The following MAML3 variants were observed in gnomAD, a reference collection of about 807,000 sequenced individuals.
The protein encoded by MAML3 is mastermind-like protein 3.
A neutral mutation model predicts 101.9 loss-of-function variants in MAML3; 27 were observed. The observed-to-expected ratio is 0.27, with a 90% CI of 0.20 to 0.37. The LOEUF is 0.37. Among genes scored for constraint, MAML3 ranks in the 10% least tolerant of loss-of-function variants. MAML3 has a pLI of 1.00. For missense variants in MAML3, 1,316 were observed against 1,444.9 expected (o/e 0.91, Z 1.45); for synonymous variants, 501 against 555.9 (o/e 0.90, Z 1.39).
intron 1 of MAML3, among the ~76,000 whole-genome samples, chr4:139,916,218 C>T (rs1029008361): frequency 8.5e-5 from 13 of 152,164 alleles, no homozygotes; most frequent in African/African-American, 3.1e-4. Flanking sequence ...ATTCCACAGC[C>T]TGGCTCCTGA....
At chr4:140,003,712 G>T (rs1726382534) in intron 1 of MAML3, among the ~76,000 whole-genome samples, 1 of 152,160 alleles carries the variant, frequency 6.6e-6, no homozygotes, top group African/African-American at 2.4e-5. Context: ...CTCTGAAGGA[G>T]TCTTGAAAGA....
chr4:140,127,082 T>C (rs933897648), intron 1 of MAML3, among the ~76,000 whole-genome samples: 1 of 152,186 alleles, frequency 6.6e-6, no homozygotes, highest in African/African-American at 2.4e-5. Flanking sequence ...TTTGATAGTT[T>C]CTCTTCTCCT....
chr4:139,916,966 C>T (rs1481282688), intron 1 of MAML3, among the ~76,000 whole-genome samples: 1 of 152,122 alleles, frequency 6.6e-6, no homozygotes, highest in Non-Finnish European at 1.5e-5. Context: ...GATGACAGAA[C>T]AAGGGTTCTG....
chr4:140,002,136 A>G (rs1368085865), intron 1 of MAML3, among the ~76,000 whole-genome samples: 1 of 152,160 alleles, frequency 6.6e-6, no homozygotes, highest in African/African-American at 2.4e-5. Context: ...ACCACGTTGT[A>G]TAATAGATCT....
chr4:139,734,193 C>T (rs1728836700), intron 2 of MAML3, among the ~76,000 whole-genome samples: 1 of 152,190 alleles, frequency 6.6e-6, no homozygotes. Context: ...CTTCTTTTAA[C>T]CTCCAGTCTC....
intron 1 of MAML3, among the ~76,000 whole-genome samples, chr4:140,141,089 T>C (rs1343346658): frequency 3.9e-5 from 6 of 152,156 alleles, no homozygotes; most frequent in Non-Finnish European, 7.4e-5. Flanking sequence ...CAGAAAAATA[T>C]AGTAGCCAAG....
At chr4:139,762,651 G>A (rs549947601) in intron 2 of MAML3, among the ~76,000 whole-genome samples, 106 of 152,302 alleles carry the variant, frequency 7.0e-4, no homozygotes, top group African/African-American at 2.4e-3. Context: ...CAAAACTTAT[G>A]TTTGCAGGCA....
intron 1 of MAML3, among the ~76,000 whole-genome samples, chr4:139,907,339 A>G (rs533157729): frequency 1.3e-5 from 2 of 152,282 alleles, no homozygotes; most frequent in South Asian, 2.1e-4. Context: ...AAGAGTCCCT[A>G]TTTGGACTCT....
At chr4:139,837,122 C>CAAA (rs34871581) in intron 2 of MAML3, among the ~76,000 whole-genome samples, 1 of 84,430 alleles carries the variant, frequency 1.2e-5, no homozygotes, top group Non-Finnish European at 2.2e-5. Flanking sequence ...AACTCTGTCT[C>CAAA]AAAAAAAAAA....
At chr4:140,131,841 T>C (rs1357430438) in intron 1 of MAML3, among the ~76,000 whole-genome samples, 2 of 152,212 alleles carry the variant, frequency 1.3e-5, no homozygotes, top group Admixed American at 6.5e-5. Context: ...GAAGGCTCTT[T>C]GGGTCATCTG....
chr4:140,146,498 T>C (rs1211509914), intron 1 of MAML3, among the ~76,000 whole-genome samples: 3 of 152,234 alleles, frequency 2.0e-5, no homozygotes, highest in South Asian at 2.1e-4. Flanking sequence ...CTTTAAACTT[T>C]CTTAGATTTA....
intron 1 of MAML3, among the ~76,000 whole-genome samples, chr4:140,020,418 T>TG (rs529015339): frequency 1.3e-4 from 20 of 152,174 alleles, no homozygotes; most frequent in Admixed American, 4.6e-4. Context: ...TGATTTTTTT[T>TG]TTTGTTTGTG....
intron 1 of MAML3, among the ~76,000 whole-genome samples, chr4:139,908,067 A>ATCC (rs2111220166): frequency 1.3e-5 from 2 of 152,320 alleles, no homozygotes; most frequent in South Asian, 4.1e-4. Flanking sequence ...GCCAAGCTGT[A>ATCC]TCCTCTCTGG....
chr4:140,142,008 A>G (rs1452033277), intron 1 of MAML3, among the ~76,000 whole-genome samples: 4 of 152,270 alleles, frequency 2.6e-5, no homozygotes. Context: ...GAAACATTTA[A>G]TTAGCAAAAA....
intron 2 of MAML3, among the ~76,000 whole-genome samples, chr4:139,798,279 G>A (rs1471504328): frequency 6.6e-6 from 1 of 152,142 alleles, no homozygotes. Context: ...GTAACTATTA[G>A]GTTGAGCCAT....
At chr4:139,987,949 G>A (rs910551503) in intron 1 of MAML3, among the ~76,000 whole-genome samples, 6 of 146,972 alleles carry the variant, frequency 4.1e-5, no homozygotes, top group African/African-American at 1.5e-4. Context: ...TTGAACTCAG[G>A]AGGTGGAGGC....
At position 140,153,556 on chromosome 4, in the gene MAML3, G is replaced by A. The variant is rs1277023305; in HGVS notation, c.-229C>T. On this transcript the variant is annotated 5_prime_UTR_variant, in exon 1 of 5. Transcript: ENST00000509479. ...AAAGCTCAAGGGGAAGAAAAGGGGG[G>A]AACGTTATCGGAATACCATCAGACA... 3.9e-6 allele frequency: 2 copies of A among 508,532 alleles called. No individual in the cohort carries two copies. The highest frequency in any genetic ancestry group is 6.8e-6 in the Non-Finnish European group (2 of 292,366). The allele number at this position is 508,532 out of a possible 1,614,324, so 31.5% of individuals were successfully genotyped here.
At chr4:140,062,644 A>G (rs770245662) in intron 1 of MAML3, among the ~76,000 whole-genome samples, 4 of 152,196 alleles carry the variant, frequency 2.6e-5, no homozygotes, top group Non-Finnish European at 4.4e-5. Flanking sequence ...AATTTGCTGT[A>G]TCTAATCTGC....
At chr4:140,105,077 G>A (rs139594176) in intron 1 of MAML3, among the ~76,000 whole-genome samples, 270 of 152,168 alleles carry the variant, frequency 1.8e-3, no homozygotes, top group African/African-American at 6.2e-3. Context: ...ACAGAAATAT[G>A]TCCCAGCATC....
Sources: allele counts gnomAD v4.1 joint callset (sites outside exome capture counted in the v4.1 genomes callset), GRCh38; gene constraint gnomAD v4.1.1; transcripts MANE v1.5; gene names NCBI Gene and HGNC (gene_info 2026-07-23, HGNC 2026-07-21).